SUCLG2: variants seen among roughly 807,000 people sequenced by gnomAD.
The protein encoded by SUCLG2 is succinate-CoA ligase GDP-forming subunit beta.
Under a neutral mutation model 47.9 loss-of-function variants are expected in SUCLG2, and 42 were observed. The observed-to-expected ratio is 0.88, with a 90% CI of 0.69 to 1.14. The LOEUF (loss-of-function observed/expected upper bound fraction) is 1.14. Among genes scored for constraint, SUCLG2 ranks in the 50% most tolerant of loss-of-function variants. The pLI, the probability that SUCLG2 is intolerant of heterozygous loss-of-function variation, is 0.00. For missense variants in SUCLG2, 571 were observed against 525.9 expected (o/e 1.09, Z -0.84); for synonymous variants, 195 against 197.3 (o/e 0.99, Z 0.10).
chr3:67,390,786 C>A (rs564510697), intron 10 of SUCLG2, among the ~76,000 whole-genome samples: 1 of 152,066 alleles, frequency 6.6e-6, no homozygotes, highest in Admixed American at 6.6e-5. Flanking sequence ...GTGTACAAAG[C>A]GTTTTGGCCA....
At chr3:67,433,718 C>G (rs1703544328) in intron 9 of SUCLG2, among the ~76,000 whole-genome samples, 1 of 151,708 alleles carries the variant, frequency 6.6e-6, no homozygotes, top group Non-Finnish European at 1.5e-5. Context: ...AATAATAAAT[C>G]CAGACATTGG....
intron 9 of SUCLG2, among the ~76,000 whole-genome samples, chr3:67,453,660 C>T (rs569042795): frequency 6.6e-6 from 1 of 152,152 alleles, no homozygotes; most frequent in Non-Finnish European, 1.5e-5. Context: ...TTACTGGTTA[C>T]CAGGCTACAA....
intron 9 of SUCLG2, among the ~76,000 whole-genome samples, chr3:67,420,480 G>A (rs1040260946): frequency 6.6e-6 from 1 of 152,158 alleles, no homozygotes; most frequent in East Asian, 1.9e-4. Flanking sequence ...AGTAGGATGA[G>A]TATTATTAAG....
At position 67,633,738 on chromosome 3, in the gene SUCLG2, C is replaced by T. The variant is rs114797618; in HGVS notation, c.84+20765G>A. 5.0e-3 allele frequency among the ~76,000 whole-genome samples: 765 copies of T among 152,250 alleles called. 11 individuals are homozygous for T. Among genetic ancestry groups the T allele is most frequent in the African/African-American group, 0.017 (713 of 41,540 alleles). On this transcript the variant is annotated intron_variant, in intron 1 of 10. Transcript: ENST00000307227. ...TTTTAATGGACAGTTATTTAATGCA[C>T]GCTGTGGGCTATGAAGGGCCCTCAG...
rs536336740 is a variant in SUCLG2, at chr3:67,412,363, T to C, written c.1063-11512A>G. ...CTATTAGACTCCTTTTGCAAAAGGA[T>C]TCCAGAATATCATATTCTCTGAGGC... On this transcript the variant is annotated intron_variant, in intron 9 of 10. Transcript: ENST00000307227. 2.0e-5 allele frequency among the ~76,000 whole-genome samples: 3 copies of C among 152,252 alleles called. No individual in the cohort carries two copies. The South Asian group carries it at 6.2e-4, about 32-fold the overall frequency.
At chr3:67,417,785 G>A (rs1468761343) in intron 9 of SUCLG2, among the ~76,000 whole-genome samples, 3 of 152,098 alleles carry the variant, frequency 2.0e-5, no homozygotes, top group Non-Finnish European at 4.4e-5. Flanking sequence ...GAAAATCTTA[G>A]AGCTAGGCAG....
intron 10 of SUCLG2, among the ~76,000 whole-genome samples, chr3:67,393,457 C>A (rs962902015): frequency 1.3e-5 from 2 of 151,968 alleles, no homozygotes; most frequent in Non-Finnish European, 2.9e-5. Flanking sequence ...AAGGCGGCAG[C>A]GAGGCTGGGG....
intron 1 of SUCLG2, among the ~76,000 whole-genome samples, chr3:67,654,197 T>C (rs1701339795): frequency 6.6e-6 from 1 of 152,254 alleles, no homozygotes; most frequent in Non-Finnish European, 1.5e-5. Flanking sequence ...AAACTTTTCT[T>C]AAACTTGCGT....
chr3:67,617,447 G>A (rs1700650549), intron 1 of SUCLG2, among the ~76,000 whole-genome samples: 1 of 152,188 alleles, frequency 6.6e-6, no homozygotes, highest in Non-Finnish European at 1.5e-5. Flanking sequence ...GGAAGAATAG[G>A]ACTGTGGGTA....
intron 10 of SUCLG2, among the ~76,000 whole-genome samples, chr3:67,394,521 G>A (rs1488052987): frequency 2.0e-5 from 3 of 150,680 alleles, no homozygotes; most frequent in Non-Finnish European, 3.0e-5. Flanking sequence ...ATGGGACTAT[G>A]TGAAAAGATC....
chr3:67,654,435 G>A (rs887177688), intron 1 of SUCLG2, 68 bp downstream of exon 1: 14 of 1,175,936 alleles, frequency 1.2e-5, no homozygotes, highest in Admixed American at 4.2e-5. Flanking sequence ...AAGAGTAGCA[G>A]GGGGCGAGGG....
chr3:67,480,160 T>C (rs935574614), intron 9 of SUCLG2, among the ~76,000 whole-genome samples: 1 of 152,026 alleles, frequency 6.6e-6, no homozygotes, highest in East Asian at 1.9e-4. Flanking sequence ...ATAGTACTCA[T>C]GGTATGTGAA....
chr3:67,469,364 C>A (rs1279926099), intron 9 of SUCLG2, among the ~76,000 whole-genome samples: 1 of 152,040 alleles, frequency 6.6e-6, no homozygotes, highest in Non-Finnish European at 1.5e-5. Flanking sequence ...GAGAGGATAC[C>A]CTGAAGGGAA....
At position 67,615,621 on chromosome 3, in the gene SUCLG2, A is replaced by AACACACACACACACACACAC. The variant is rs60992383; in HGVS notation, c.85-6045_85-6026dup. Among the ~76,000 whole-genome samples, 1,262 of 142,092 alleles carry AACACACACACACACACACAC rather than the reference A, an allele frequency of 8.9e-3. 18 individuals carry two copies. Among genetic ancestry groups the AACACACACACACACACACAC allele is most frequent in the African/African-American group, 0.031 (1,167 of 37,888 alleles). 93.2% of individuals were successfully genotyped at this position (142,092 alleles called of 152,430 possible). A position where few individuals can be genotyped will look rare whatever the true frequency, so the allele number is the denominator to read the frequency against. ...GCCACTGAACACAAACACAAACACA[A>AACACACACACACACACACAC]ACACACACACACACACACACACACA... On this transcript the variant is annotated intron_variant, in intron 1 of 10. Transcript: ENST00000307227.
intron 2 of SUCLG2, among the ~76,000 whole-genome samples, chr3:67,569,288 A>T (rs1018419404): frequency 6.6e-6 from 1 of 152,256 alleles, no homozygotes; most frequent in Non-Finnish European, 1.5e-5. Flanking sequence ...TTAGTTTGTT[A>T]CAACTATTTG....
chr3:67,443,783 CCG>C (rs1703838641), intron 9 of SUCLG2, among the ~76,000 whole-genome samples: 2 of 85,286 alleles, frequency 2.3e-5, no homozygotes, highest in Non-Finnish European at 5.6e-5. Context: ...CCCGGCCGCC[CCG>C]TCTGAGAAGT....
chr3:67,410,924 G>C (rs1702919905), intron 9 of SUCLG2, among the ~76,000 whole-genome samples: 1 of 152,178 alleles, frequency 6.6e-6, no homozygotes, highest in African/African-American at 2.4e-5. Context: ...CATTGGTGCA[G>C]ATTGAGAATA....
In SUCLG2 at chr3:67,382,317, G is replaced by A. The variant is rs1559639127; in HGVS notation, c.1184-6458C>T. On this transcript the variant is annotated intron_variant, in intron 10 of 10. Coordinates refer to ENST00000307227, the MANE Select transcript of SUCLG2 (RefSeq NM_003848.4). ...GGCCCGACATCCCCAGCAAGTCAGAGGCTGAGCCAGGACTTGAACCCAGGT... is the reference window on the plus strand; with the variant it reads ...GGCCCGACATCCCCAGCAAGTCAGAAGCTGAGCCAGGACTTGAACCCAGGT... Among the ~76,000 whole-genome samples, 8 of 152,328 alleles carry A rather than the reference G, an allele frequency of 5.3e-5. No individual in the cohort carries two copies. In the East Asian group the frequency reaches 1.5e-3, roughly 29 times the overall value.
At chr3:67,475,928 A>G (rs1488110283) in intron 9 of SUCLG2, among the ~76,000 whole-genome samples, 1 of 151,910 alleles carries the variant, frequency 6.6e-6, no homozygotes, top group Non-Finnish European at 1.5e-5. Context: ...TCATTGAAGT[A>G]TGATATAGAA....
Sources: gnomAD v4.1 joint callset for allele counts (sites outside exome capture counted in the v4.1 genomes callset) on GRCh38, gnomAD v4.1.1 for gene constraint, MANE v1.5 for transcripts, NCBI Gene and HGNC (gene_info 2026-07-23, HGNC 2026-07-21) for gene names.